ABR: variants seen among roughly 807,000 people sequenced by gnomAD.
ABR encodes active breakpoint cluster region-related protein.
Under a neutral mutation model 107.2 loss-of-function variants are expected in ABR, and 35 were observed. The ratio of observed to expected loss-of-function variants is 0.33; its 90% confidence interval spans 0.25 to 0.43. The LOEUF is 0.43. Among genes scored for constraint, ABR ranks in the 20% least tolerant of loss-of-function variants. The pLI is 1.00. For synonymous variants in ABR, 498 were observed against 462.0 expected, an observed-to-expected ratio of 1.08 and a Z score of -1.00; for missense variants, 815 against 1,115.2, an observed-to-expected ratio of 0.73 and a Z score of 3.83.
In ABR at chr17:1,050,029, G is replaced by C. The variant is rs78108823; in HGVS notation, c.1791+21C>G. Reference sequence around the variant, plus strand: ...ACCTCCTGGAGGCTCCCTCAGCCTCGCCCCGGCGCCCTGGCCTCACCTGGA... The same window carrying C: ...ACCTCCTGGAGGCTCCCTCAGCCTCCCCCCGGCGCCCTGGCCTCACCTGGA... On this transcript the variant is annotated intron_variant, in intron 16 of 22. Coordinates refer to ENST00000302538, the MANE Select transcript of ABR (RefSeq NM_021962.5). This position sits in a 1 kb window ranked among gnomAD's most constrained non-coding sequence, Gnocchi z 4.6. 6.2e-7 allele frequency: 1 copy of C among 1,606,630 alleles called. No individual in the cohort carries two copies. Among genetic ancestry groups the C allele is most frequent in the African/African-American group, 1.3e-5 (1 of 74,524 alleles).
chr17:1,181,879 T>C (rs1385208426), upstream of ABR: 3 of 152,246 alleles, frequency 2.0e-5, no homozygotes, highest in Non-Finnish European at 2.9e-5. Context: ...GTTTTCCTGA[T>C]GGCCACATCC....
At position 1,071,347 on chromosome 17, in the gene ABR, G is replaced by A. The variant is rs1327044789; in HGVS notation, c.895-1257C>T. Among the ~76,000 whole-genome samples, 2 of 152,080 alleles carry A rather than the reference G, an allele frequency of 1.3e-5. No individual in the cohort carries two copies. The highest frequency in any genetic ancestry group is 4.8e-5 in the African/African-American group (2 of 41,402). On this transcript the variant is annotated intron_variant, in intron 8 of 22. Coordinates refer to ENST00000302538, the MANE Select transcript of ABR (RefSeq NM_021962.5). This position sits in a 1 kb window ranked among gnomAD's most constrained non-coding sequence, Gnocchi z 5.1. ...CTGTCCCTCACCACTTTCTCCCCAG[G>A]AGACCCTGGGGGCTCGTAAACAGAC...
chr17:1,098,552 T>C (rs773201866), intron 3 of ABR, among the ~76,000 whole-genome samples: 19 of 152,232 alleles, frequency 1.2e-4, no homozygotes, highest in Non-Finnish European at 2.4e-4. Context: ...CAACCCACTG[T>C]ACTGGTTTCA....
chr17:1,005,841 A>G lies in ABR; in HGVS notation c.*239T>C. On this transcript the variant is annotated 3_prime_UTR_variant, in exon 23 of 23. Transcript: ENST00000302538. ...CAATTCCCGAACAGCACGGAGCATC[A>G]GACACAACTAGAGGTATGGAGGGCA... 1 of 577,472 alleles carries G rather than the reference A, an allele frequency of 1.7e-6. No homozygotes were observed. Among genetic ancestry groups the G allele is most frequent in the Non-Finnish European group, 3.1e-6 (1 of 322,704 alleles). 35.8% of individuals were successfully genotyped at this position (577,472 alleles called of 1,614,324 possible).
At chr17:1,042,666 C>A (rs1476627165) in intron 16 of ABR, among the ~76,000 whole-genome samples, 2 of 152,068 alleles carry the variant, frequency 1.3e-5, no homozygotes, top group Admixed American at 1.3e-4. Context: ...GTGGCACCTA[C>A]ATCCACAGAT....
chr17:1,032,620 C>CCTTG (rs2072897676), intron 16 of ABR, among the ~76,000 whole-genome samples: 4 of 88,070 alleles, frequency 4.5e-5, no homozygotes, highest in Admixed American at 1.3e-4. Flanking sequence ...GTGCTGGGCG[C>CCTTG]AGAGGACGCC....
chr17:1,135,616 C>T (rs2040025909), intron 1 of ABR, among the ~76,000 whole-genome samples: 1 of 152,116 alleles, frequency 6.6e-6, no homozygotes, highest in African/African-American at 2.4e-5. Context: ...TGTCTCACAC[C>T]TGTAATCCCA....
intron 16 of ABR, among the ~76,000 whole-genome samples, chr17:1,034,767 TCGGCCC>T: frequency 1.3e-5 from 2 of 152,224 alleles, no homozygotes; most frequent in South Asian, 2.1e-4. Flanking sequence ...AACTTCAGAA[TCGGCCC>T]CTCACTGGCC....
rs551814775 is a variant in ABR, at chr17:1,127,973, G to T, written c.62-2606C>A. Among the ~76,000 whole-genome samples, 3 of 152,304 alleles carry T rather than the reference G, an allele frequency of 2.0e-5. No homozygotes were observed. In the South Asian group the frequency reaches 6.2e-4, roughly 32 times the overall value. ...CGAAGATCACAGGATCAGAACCCAG[G>T]TCTCAAATGCCCTCCCTTTCCCTCT... On this transcript the variant is annotated intron_variant, in intron 1 of 22. Transcript: ENST00000302538.
At chr17:1,134,966 C>T (rs1458832705) in intron 1 of ABR, among the ~76,000 whole-genome samples, 2 of 152,360 alleles carry the variant, frequency 1.3e-5, no homozygotes, top group Admixed American at 6.5e-5. Context: ...CTGGATGACA[C>T]GCATACGGCA....
At chr17:1,197,921 G>A (rs1242596975) in intron 1 of ABR, among the ~76,000 whole-genome samples, 1 of 151,716 alleles carries the variant, frequency 6.6e-6, no homozygotes, top group Admixed American at 6.6e-5. Context: ...AATACACCCT[G>A]CTGACTGTCA....
In ABR at chr17:1,200,223, G is replaced by A. The variant is rs562229474; in HGVS notation, c.838+28570C>T. ...CCACATAGCATTTGCAATGTATTAG[G>A]TATTAAAAATAACCTAGAGATAAGT... On this transcript the variant is annotated intron_variant, in intron 1 of 22. Coordinates refer to the ABR transcript ENST00000574139. The surrounding 1 kb of genome is among the most constrained non-coding windows in gnomAD (Gnocchi z 4.1). 3.9e-4 allele frequency among the ~76,000 whole-genome samples: 59 copies of A among 152,094 alleles called. No individual in the cohort carries two copies. The highest frequency in any genetic ancestry group is 6.8e-4 in the Non-Finnish European group (46 of 68,008).
chr17:1,081,904 G>T (rs1290992096), intron 5 of ABR, among the ~76,000 whole-genome samples: 1 of 152,106 alleles, frequency 6.6e-6, no homozygotes, highest in Non-Finnish European at 1.5e-5. Flanking sequence ...TTCCAGAGGC[G>T]AAGTGTCAGC....
chr17:1,169,777 C>T (rs1206062060), intron 1 of ABR, among the ~76,000 whole-genome samples: 1 of 152,092 alleles, frequency 6.6e-6, no homozygotes, highest in African/African-American at 2.4e-5. Context: ...GCTGAGGGCT[C>T]TCTTTATTTT....
At chr17:1,175,896 C>T (rs193019667) in intron 1 of ABR, among the ~76,000 whole-genome samples, 15 of 152,180 alleles carry the variant, frequency 9.9e-5, no homozygotes, top group African/African-American at 3.6e-4. Context: ...TCGAGACCAT[C>T]CTGGCCAACA....
intron 1 of ABR, among the ~76,000 whole-genome samples, chr17:1,215,978 G>A (rs11651377): frequency 0.11 from 13,353 of 117,894 alleles, 1,506 homozygotes; most frequent in African/African-American, 0.24. Flanking sequence ...TGAAGGCAGC[G>A]TGCTCGTTAA....
intron 16 of ABR, among the ~76,000 whole-genome samples, chr17:1,030,813 G>C (rs927878068): frequency 1.3e-5 from 2 of 152,250 alleles, no homozygotes; most frequent in Admixed American, 1.3e-4. Flanking sequence ...GCCCTGGCCA[G>C]CCGGACTGGC....
chr17:1,005,765 G>A lies in ABR; in HGVS notation c.*315C>T. ...AAAGAACAAAGCGGGCTGTCTGTGT[G>A]CCCACGCCGGGCCGGTCACTACCTT... On this transcript the variant is annotated 3_prime_UTR_variant, in exon 23 of 23. Transcript: ENST00000302538. 1 of 412,584 alleles carries A rather than the reference G, an allele frequency of 2.4e-6. No individual in the cohort carries two copies. Among genetic ancestry groups the A allele is most frequent in the South Asian group, 2.8e-5 (1 of 35,606 alleles). The allele number at this position is 412,584 out of a possible 1,614,324, so 25.6% of individuals were successfully genotyped here.
Position 1,100,617 on chromosome 17 carries a change from A to C in ABR, c.345+20T>G, listed in dbSNP as rs374063797. On this transcript the variant is annotated intron_variant, in intron 3 of 22. Coordinates refer to ENST00000302538, the MANE Select transcript of ABR (RefSeq NM_021962.5). ...ACGGGCGGGGGGACCGGAAGGCCCC[A>C]GAGCAGGGACTGTACTCACCAGCAA... 6.2e-7 allele frequency: 1 copy of C among 1,611,772 alleles called. No homozygotes were observed. The highest frequency in any genetic ancestry group is 1.1e-5 in the South Asian group (1 of 91,048).
Sources: allele counts gnomAD v4.1 joint callset (sites outside exome capture counted in the v4.1 genomes callset), GRCh38; gene constraint gnomAD v4.1.1; non-coding constraint Gnocchi (gnomAD v3.1); transcripts MANE v1.5; gene names NCBI Gene and HGNC (gene_info 2026-07-23, HGNC 2026-07-21).